DOCK4: variants seen among roughly 807,000 people sequenced by gnomAD.
DOCK4 encodes the protein dedicator of cytokinesis protein 4.
In DOCK4, 97 loss-of-function variants were observed where a neutral mutation model predicts 268.1. That is an observed-to-expected ratio of 0.36 (90% CI 0.31 to 0.43). DOCK4 has a LOEUF of 0.43. Ranked by LOEUF, DOCK4 falls within the 20% of genes least tolerant of loss-of-function variation. DOCK4 has a pLI of 1.00. For missense variants in DOCK4, 2,145 were observed against 2,455.7 expected (o/e 0.87, Z 2.67); for synonymous variants, 954 against 887.2 (o/e 1.08, Z -1.34).
Position 112,057,114 on chromosome 7 carries a change from A to G in DOCK4, c.38-52983T>C, listed in dbSNP as rs145591037. Among the ~76,000 whole-genome samples the G allele has an allele frequency of 1.2e-3, 183 of 152,298 alleles. No homozygotes were observed. The Middle Eastern group carries it at 0.014, about 11-fold the overall frequency. ...ATCACAAAGAATTAAGCTAAGGTTA[A>G]AAATAATGGAGCATATTTGCTGGGC... On this transcript the variant is annotated intron_variant, in intron 1 of 52. Coordinates refer to ENST00000428084, the MANE Select transcript of DOCK4 (RefSeq NM_001363540.2).
At chr7:112,064,517 C>A (rs1806744409) in intron 1 of DOCK4, among the ~76,000 whole-genome samples, 1 of 152,192 alleles carries the variant, frequency 6.6e-6, no homozygotes, top group Non-Finnish European at 1.5e-5. Flanking sequence ...CACTAAGTCT[C>A]TGTTTTGTTT....
At chr7:111,781,232 T>A (rs1289461311) in intron 35 of DOCK4, among the ~76,000 whole-genome samples, 1 of 152,238 alleles carries the variant, frequency 6.6e-6, no homozygotes. Flanking sequence ...TTTATGGGAC[T>A]TTGTGCCTGG....
At chr7:111,924,349 T>C (rs1421069158) in intron 12 of DOCK4, among the ~76,000 whole-genome samples, 1 of 152,184 alleles carries the variant, frequency 6.6e-6, no homozygotes, top group Non-Finnish European at 1.5e-5. Context: ...TTTTAGGCTA[T>C]ACAACTGGGA....
chr7:111,797,996 A>G (rs1217347641), intron 30 of DOCK4, among the ~76,000 whole-genome samples: 2 of 152,246 alleles, frequency 1.3e-5, no homozygotes, highest in Non-Finnish European at 2.9e-5. Flanking sequence ...AATAGGGACC[A>G]GAAGGAGGCC....
intron 15 of DOCK4, among the ~76,000 whole-genome samples, chr7:111,899,898 T>C (rs1790994887): frequency 1.3e-5 from 2 of 152,232 alleles, no homozygotes; most frequent in Admixed American, 1.3e-4. Flanking sequence ...CACTCCAGCC[T>C]GGGCAACAGA....
intron 1 of DOCK4, among the ~76,000 whole-genome samples, chr7:112,148,668 GGTTTTGTTTT>G (rs559717040): frequency 1.8e-4 from 28 of 152,108 alleles, no homozygotes; most frequent in African/African-American, 6.3e-4. Flanking sequence ...GAAAATAAAG[GGTTTTGTTTT>G]GTTTTGTTTT....
chr7:111,837,134 G>GA (rs139239164), intron 25 of DOCK4, among the ~76,000 whole-genome samples: 3 of 150,262 alleles, frequency 2.0e-5, no homozygotes, highest in South Asian at 2.1e-4. Context: ...ACACTATTCA[G>GA]AAAAAAAAGG....
At chr7:111,926,215 C>A (rs961457757) in intron 12 of DOCK4, among the ~76,000 whole-genome samples, 1 of 144,038 alleles carries the variant, frequency 6.9e-6, no homozygotes, top group Non-Finnish European at 1.5e-5. Context: ...GTCAGGAGAT[C>A]GAGACTATCC....
rs900809611 is a variant in DOCK4, at chr7:111,732,909, C to A, written c.5420-622G>T. Among the ~76,000 whole-genome samples, 11 of 152,306 alleles carry A rather than the reference C, an allele frequency of 7.2e-5. No homozygotes were observed. In the East Asian group the frequency reaches 1.9e-3, roughly 27 times the overall value. ...GTCTCTATGGATTTCATCATCGTGG[C>A]CAAGAAGAGTGAACTGTTTGCTTTT... is the stretch of plus-strand genomic sequence containing the variant. On this transcript the variant is annotated intron_variant, in intron 51 of 52. Coordinates refer to ENST00000428084, the MANE Select transcript of DOCK4 (RefSeq NM_001363540.2).
intron 1 of DOCK4, among the ~76,000 whole-genome samples, chr7:112,030,456 G>C (rs1274878114): frequency 6.6e-6 from 1 of 152,216 alleles, no homozygotes. Context: ...CAAAAATCAT[G>C]AAACAGGAGC....
intron 8 of DOCK4, among the ~76,000 whole-genome samples, chr7:111,953,014 C>T (rs545812432): frequency 6.6e-6 from 1 of 152,054 alleles, no homozygotes; most frequent in South Asian, 2.1e-4. Flanking sequence ...TCACTTGAGC[C>T]TCGGAGTTCA....
intron 1 of DOCK4, among the ~76,000 whole-genome samples, chr7:112,041,645 G>A (rs1804369067): frequency 6.6e-6 from 1 of 152,120 alleles, no homozygotes; most frequent in South Asian, 2.1e-4. Context: ...CACCATGGGG[G>A]TAACACAGGA....
Position 112,201,800 on chromosome 7 carries a change from T to G in DOCK4, c.37+4302A>C, listed in dbSNP as rs1180742478. Among the ~76,000 whole-genome samples, 4 of 152,098 alleles carry G rather than the reference T, an allele frequency of 2.6e-5. 1 individual carries two copies. The highest frequency in any genetic ancestry group is 2.6e-4 in the Admixed American group (4 of 15,268). On this transcript the variant is annotated intron_variant, in intron 1 of 52. Transcript: ENST00000428084. The stretch of plus-strand genomic sequence containing the variant: ...ATCACTAAAGCATGTTCCCCCTGTC[T>G]CACCAAAACTTTGTACACTTTGATC...
At chr7:112,202,352 T>C (rs560363416) in intron 1 of DOCK4, among the ~76,000 whole-genome samples, 1 of 152,362 alleles carries the variant, frequency 6.6e-6, no homozygotes, top group East Asian at 1.9e-4. Context: ...CCAATACTTG[T>C]TACCTTTCAT....
chr7:112,077,234 G>C (rs1808150715), intron 1 of DOCK4, among the ~76,000 whole-genome samples: 1 of 152,014 alleles, frequency 6.6e-6, no homozygotes, highest in African/African-American at 2.4e-5. Context: ...GGTAAATTAA[G>C]TTATCCAAAA....
chr7:111,799,987 C>G (rs1800154250), intron 30 of DOCK4, among the ~76,000 whole-genome samples: 1 of 152,068 alleles, frequency 6.6e-6, no homozygotes, highest in Admixed American at 6.6e-5. Context: ...TAATATTTTG[C>G]CTGATTATCA....
chr7:112,105,343 G>A lies in DOCK4; in HGVS notation c.37+100759C>T, dbSNP rs188781429. Among the ~76,000 whole-genome samples, 179 of 152,040 alleles carry A rather than the reference G, an allele frequency of 1.2e-3. 2 individuals are homozygous for A. Among genetic ancestry groups the A allele is most frequent in the Admixed American group, 3.0e-3 (46 of 15,276 alleles). On this transcript the variant is annotated intron_variant, in intron 1 of 52. Transcript: ENST00000428084. Reference sequence around the variant, plus strand: ...ATCCAAAATCCTTTAAAAATAAAAAGTACATTTTTAAAAAATAGTAGCCAC... The same window carrying A: ...ATCCAAAATCCTTTAAAAATAAAAAATACATTTTTAAAAAATAGTAGCCAC...
chr7:111,977,972 G>A (rs1798334276), intron 7 of DOCK4, among the ~76,000 whole-genome samples: 1 of 152,192 alleles, frequency 6.6e-6, no homozygotes, highest in South Asian at 2.1e-4. Context: ...AAGACAAGAT[G>A]TGAGTTCCCA....
chr7:111,746,313 G>T, intron 44 of DOCK4, 21 bp downstream of exon 44: 1 of 1,602,666 alleles, frequency 6.2e-7, no homozygotes, highest in Non-Finnish European at 8.5e-7. Flanking sequence ...ATAGAAGGGG[G>T]TTGGCTTCTG....
Sources: allele counts gnomAD v4.1 joint callset (sites outside exome capture counted in the v4.1 genomes callset), GRCh38; gene constraint gnomAD v4.1.1; transcripts MANE v1.5; gene names NCBI Gene and HGNC (gene_info 2026-07-23, HGNC 2026-07-21).